CRTAC1: variants seen among roughly 807,000 people sequenced by gnomAD.
CRTAC1 encodes cartilage acidic protein 1.
CRTAC1 carries 37 observed loss-of-function variants against 67.8 expected under a neutral mutation model. That is an observed-to-expected ratio of 0.55 (90% CI 0.42 to 0.72). The LOEUF is 0.72. CRTAC1 is among the 30% of genes least tolerant of loss of function. CRTAC1 has a pLI of 0.00. For synonymous variants in CRTAC1, 348 were observed against 371.0 expected (o/e 0.94, Z 0.71); for missense variants, 780 against 931.6 (o/e 0.84, Z 2.12).
At position 98,030,128 on chromosome 10, in the gene CRTAC1, C is replaced by T. The variant is rs1225026886; in HGVS notation, c.24+321G>A. On this transcript the variant is annotated intron_variant, in intron 1 of 14. Transcript: ENST00000370597. This position sits in a 1 kb window ranked among gnomAD's most constrained non-coding sequence, Gnocchi z 4.2. ...CCCCTCCAGGCCCCAGAGGCCCCCT[C>T]CCCTGACAGCTGACCTCCAGTGCGC... Among the ~76,000 whole-genome samples the T allele has an allele frequency of 6.6e-6, 1 of 152,098 alleles. No individual in the cohort carries two copies. The highest frequency in any genetic ancestry group is 1.9e-4 in the East Asian group (1 of 5,148).
At chr10:97,906,153 G>T (rs1222683382) in intron 6 of CRTAC1, among the ~76,000 whole-genome samples, 1 of 152,108 alleles carries the variant, frequency 6.6e-6, no homozygotes, top group East Asian at 1.9e-4. Flanking sequence ...TGTCCTCCTG[G>T]GGGAGAGAAG....
intron 3 of CRTAC1, among the ~76,000 whole-genome samples, chr10:97,934,275 T>G (rs1046772515): frequency 1.3e-5 from 2 of 152,234 alleles, no homozygotes; most frequent in Non-Finnish European, 2.9e-5. Flanking sequence ...TGTGTCCTAA[T>G]CCAATCTTGG....
chr10:98,028,774 G>A (rs1843293698), intron 1 of CRTAC1, among the ~76,000 whole-genome samples: 1 of 152,162 alleles, frequency 6.6e-6, no homozygotes, highest in African/African-American at 2.4e-5. Context: ...GCTGGGGGTT[G>A]GGATATAGAT....
At chr10:97,926,831 C>T (rs145854109) in intron 3 of CRTAC1, among the ~76,000 whole-genome samples, 2,464 of 152,282 alleles carry the variant, frequency 0.016, 60 homozygotes, top group African/African-American at 0.055. Context: ...GTCCTGGAGG[C>T]AGTGGCAGGC....
chr10:98,030,535 C>A lies in CRTAC1; in HGVS notation c.-63G>T. The A allele has an allele frequency of 8.8e-7, 1 of 1,131,576 alleles. No individual in the cohort carries two copies. Among genetic ancestry groups the A allele is most frequent in the Non-Finnish European group, 1.1e-6 (1 of 889,574 alleles). The allele number at this position is 1,131,576 out of a possible 1,614,324, so 70.1% of individuals were successfully genotyped here. A position where few individuals can be genotyped will look rare whatever the true frequency, so the allele number is the denominator to read the frequency against. Reference sequence around the variant, plus strand: ...AGCGGGCGCTCGCTGCCGCCTCTGCCGCCGGCGCCGCCGCCTGCTTGCTCC... The same window carrying A: ...AGCGGGCGCTCGCTGCCGCCTCTGCAGCCGGCGCCGCCGCCTGCTTGCTCC... On this transcript the variant is annotated 5_prime_UTR_variant, in exon 1 of 15. Coordinates refer to ENST00000370597, the MANE Select transcript of CRTAC1 (RefSeq NM_018058.7). The surrounding 1 kb of genome is among the most constrained non-coding windows in gnomAD (Gnocchi z 4.2).
chr10:97,940,584 C>T (rs528928757), intron 2 of CRTAC1, among the ~76,000 whole-genome samples: 1 of 152,336 alleles, frequency 6.6e-6, no homozygotes, highest in African/African-American at 2.4e-5. Flanking sequence ...GAGAGCCATC[C>T]CATTTTGGTG....
At chr10:98,002,704 A>G (rs1369139118) in intron 2 of CRTAC1, among the ~76,000 whole-genome samples, 1 of 148,428 alleles carries the variant, frequency 6.7e-6, no homozygotes, top group African/African-American at 2.5e-5. Context: ...AGAGTGAATT[A>G]ATCCTGATGG....
In CRTAC1 at chr10:97,962,323, G is replaced by A. The variant is rs115375244; in HGVS notation, c.225-25957C>T. ...TGATCCACAGAAAACAGGACACTGC[G>A]TCAGTAAGAAACACCCAGAACCATT... On this transcript the variant is annotated intron_variant, in intron 2 of 14. Transcript: ENST00000370597. Among the ~76,000 whole-genome samples, 307 of 152,288 alleles carry A rather than the reference G, an allele frequency of 2.0e-3. 3 individuals are homozygous for A. The highest frequency in any genetic ancestry group is 0.01 in the Middle Eastern group (3 of 294).
At chr10:97,919,426 C>G (rs1382478138) in intron 4 of CRTAC1, among the ~76,000 whole-genome samples, 1 of 152,212 alleles carries the variant, frequency 6.6e-6, no homozygotes, top group Non-Finnish European at 1.5e-5. Flanking sequence ...AGAGAAACTA[C>G]AGCAGTTAGT....
chr10:97,906,630 G>A (rs954341532), intron 6 of CRTAC1, among the ~76,000 whole-genome samples: 2 of 152,182 alleles, frequency 1.3e-5, no homozygotes, highest in African/African-American at 2.4e-5. Context: ...TCAGCAATGA[G>A]AAAATTTGCT....
At chr10:97,920,410 A>G (rs1210229275) in intron 4 of CRTAC1, among the ~76,000 whole-genome samples, 1 of 152,206 alleles carries the variant, frequency 6.6e-6, no homozygotes. Context: ...ATTCCAAGGG[A>G]AGGAAGATGT....
At chr10:97,972,186 A>G (rs2136654075) in intron 2 of CRTAC1, among the ~76,000 whole-genome samples, 1 of 152,332 alleles carries the variant, frequency 6.6e-6, no homozygotes, top group South Asian at 2.1e-4. Context: ...AACAGAAAAC[A>G]AGTTCAAAGA....
intron 2 of CRTAC1, among the ~76,000 whole-genome samples, chr10:97,965,240 C>T (rs2051595853): frequency 6.6e-6 from 1 of 152,210 alleles, no homozygotes; most frequent in Admixed American, 6.5e-5. Flanking sequence ...TAATAGCAAA[C>T]ATTTGTATAG....
At chr10:97,931,457 G>A (rs1171201460) in intron 3 of CRTAC1, among the ~76,000 whole-genome samples, 2 of 152,166 alleles carry the variant, frequency 1.3e-5, no homozygotes, top group Non-Finnish European at 1.5e-5. Context: ...ATCAATAGAG[G>A]ACCAATTAAA....
intron 2 of CRTAC1, among the ~76,000 whole-genome samples, chr10:98,001,541 T>C (rs1326384870): frequency 4.0e-5 from 6 of 149,330 alleles, no homozygotes; most frequent in Non-Finnish European, 7.4e-5. Flanking sequence ...TTTAGAGATA[T>C]TAAAATGTAA....
rs562213890 is a variant in CRTAC1, at chr10:98,022,605, A to T, written c.24+7844T>A. 2.7e-5 allele frequency among the ~76,000 whole-genome samples: 4 copies of T among 148,290 alleles called. No homozygotes were observed. The East Asian group carries it at 8.4e-4, about 31-fold the overall frequency. ...TTGCTGCTGGAATGCAATGTCTGGGATATGGGGTGGAGGGGAGAGAGAAGA... is the reference window on the plus strand; with the variant it reads ...TTGCTGCTGGAATGCAATGTCTGGGTTATGGGGTGGAGGGGAGAGAGAAGA... On this transcript the variant is annotated intron_variant, in intron 1 of 14. Coordinates refer to ENST00000370597, the MANE Select transcript of CRTAC1 (RefSeq NM_018058.7).
chr10:97,958,993 C>T (rs1157935470), intron 2 of CRTAC1, among the ~76,000 whole-genome samples: 2 of 152,294 alleles, frequency 1.3e-5, no homozygotes, highest in South Asian at 2.1e-4. Flanking sequence ...GAGCGCTACC[C>T]GTTCAGGTGT....
chr10:97,984,631 C>G (rs1452633389), intron 2 of CRTAC1, among the ~76,000 whole-genome samples: 3 of 152,178 alleles, frequency 2.0e-5, no homozygotes, highest in Admixed American at 2.0e-4. Context: ...ACAAGGCTCC[C>G]AAGGTCATCT....
At chr10:97,994,761 C>T (rs983473725) in intron 2 of CRTAC1, among the ~76,000 whole-genome samples, 1 of 152,176 alleles carries the variant, frequency 6.6e-6, no homozygotes, top group Admixed American at 6.5e-5. Context: ...TCCCTAGTGG[C>T]CAAAGGGCTA....
Sources: gnomAD v4.1 joint callset for allele counts (sites outside exome capture counted in the v4.1 genomes callset) on GRCh38, gnomAD v4.1.1 for gene constraint, Gnocchi (gnomAD v3.1) non-coding constraint, MANE v1.5 for transcripts, NCBI Gene and HGNC (gene_info 2026-07-23, HGNC 2026-07-21) for gene names.